Variants in DIXDC1 observed in about 807,000 individuals in gnomAD.
The protein encoded by DIXDC1 is DIX domain containing 1.
In DIXDC1, 64 loss-of-function variants were observed where a neutral mutation model predicts 103.1. The observed-to-expected ratio is 0.62, with a 90% CI of 0.51 to 0.76. DIXDC1 has a LOEUF of 0.76. Among genes scored for constraint, DIXDC1 ranks in the 30% least tolerant of loss-of-function variants. The probability of loss-of-function intolerance (pLI) is 0.00; values close to 1 mark genes in which losing one functional copy is unlikely to be tolerated. For missense variants in DIXDC1, 759 were observed against 834.2 expected, an observed-to-expected ratio of 0.91 and a Z score of 1.11; for synonymous variants, 266 against 298.5, an observed-to-expected ratio of 0.89 and a Z score of 1.12.
intron 5 of DIXDC1, chr11:111,975,248 G>T (rs1860060402): frequency 8.0e-7 from 1 of 1,256,354 alleles, no homozygotes; most frequent in Non-Finnish European, 1.0e-6. Flanking sequence ...TGGGGGCATG[G>T]CTGGAACCTG....
upstream of DIXDC1, chr11:111,937,129 G>GGGA: frequency 4.2e-6 from 3 of 708,176 alleles, no homozygotes; most frequent in East Asian, 1.4e-4. Context: ...CTGCGGCCCG[G>GGGA]GCGGGGGGGG....
At chr11:112,004,617 A>T (rs1555176400) in intron 17 of DIXDC1, among the ~76,000 whole-genome samples, 2 of 152,184 alleles carry the variant, frequency 1.3e-5, no homozygotes, top group Non-Finnish European at 1.5e-5. Flanking sequence ...GGGAGCAAGC[A>T]CTGTTCAATT....
At chr11:112,009,481 CA>C (rs1361059085) in intron 17 of DIXDC1, among the ~76,000 whole-genome samples, 1 of 152,160 alleles carries the variant, frequency 6.6e-6, no homozygotes, top group African/African-American at 2.4e-5. Context: ...ATCCTGATAC[CA>C]AAACCTGGCA....
At position 111,944,684 on chromosome 11, in the gene DIXDC1, C is replaced by G. The variant is rs868948416; in HGVS notation, c.60+7125C>G. 2.6e-5 allele frequency among the ~76,000 whole-genome samples: 4 copies of G among 152,226 alleles called. 1 individual carries two copies. Among genetic ancestry groups the G allele is most frequent in the Middle Eastern group, 6.8e-3 (2 of 294 alleles). ...GATGGAGATTATGGGATTGCTAAAGCCTCCTTCCACCGGCCACCTCGTGGT... is the reference window on the plus strand; with the variant it reads ...GATGGAGATTATGGGATTGCTAAAGGCTCCTTCCACCGGCCACCTCGTGGT... On this transcript the variant is annotated intron_variant, in intron 1 of 19. Transcript: ENST00000440460.
intron 1 of DIXDC1, among the ~76,000 whole-genome samples, chr11:111,962,553 T>C (rs1473434882): frequency 6.6e-6 from 1 of 151,472 alleles, no homozygotes; most frequent in African/African-American, 2.4e-5. Context: ...TGGGGAACTG[T>C]ACATAATTCA....
At chr11:111,981,751 TTAGA>T (rs1180163098) in intron 6 of DIXDC1, among the ~76,000 whole-genome samples, 4 of 152,174 alleles carry the variant, frequency 2.6e-5, no homozygotes, top group Admixed American at 6.5e-5. Context: ...GTACATACAA[TTAGA>T]TAGTATAAAA....
intron 17 of DIXDC1, among the ~76,000 whole-genome samples, chr11:112,002,259 T>TG (rs1219431175): frequency 7.1e-6 from 1 of 140,306 alleles, no homozygotes; most frequent in Non-Finnish European, 1.5e-5. Context: ...AGCAGGCATG[T>TG]GAAAAAAAAA....
chr11:111,957,068 G>A (rs1259352557), intron 1 of DIXDC1, among the ~76,000 whole-genome samples: 1 of 152,100 alleles, frequency 6.6e-6, no homozygotes, highest in Non-Finnish European at 1.5e-5. Flanking sequence ...AGCTACTAAG[G>A]AGGCTGAGGC....
At chr11:111,930,711 G>A (rs1555167575) in intron 2 of DIXDC1, among the ~76,000 whole-genome samples, 1 of 152,082 alleles carries the variant, frequency 6.6e-6, no homozygotes, top group African/African-American at 2.4e-5. Context: ...TTAGGACTAT[G>A]TCAGGCCAGG....
chr11:111,954,655 C>T (rs1966873880), intron 1 of DIXDC1, among the ~76,000 whole-genome samples: 1 of 152,094 alleles, frequency 6.6e-6, no homozygotes, highest in Non-Finnish European at 1.5e-5. Context: ...GAGGGACAAC[C>T]TTATACAAAT....
intron 1 of DIXDC1, among the ~76,000 whole-genome samples, chr11:111,941,040 A>G (rs1259701303): frequency 6.6e-6 from 1 of 152,144 alleles, no homozygotes; most frequent in African/African-American, 2.4e-5. Context: ...ACTGGAGCCT[A>G]GGAGTTAGAG....
rs1397890664 is a variant in DIXDC1 at position 112,017,668 on chromosome 11, G to A, written c.1863-109G>A. The A allele has an allele frequency of 1.3e-5, 11 of 823,522 alleles. No homozygotes were observed. In the East Asian group the frequency reaches 2.9e-4, roughly 22 times the overall value. The allele number at this position is 823,522 out of a possible 1,614,324, so 51.0% of individuals were successfully genotyped here. On this transcript the variant is annotated intron_variant, in intron 18 of 19. Transcript: ENST00000440460. This position sits in a 1 kb window ranked among gnomAD's most constrained non-coding sequence, Gnocchi z 4.0. ...TTATCGGGGCAGTGACCTAACAAGG[G>A]GCTATTTCTGCTTATTGACTTTGGC...
At chr11:111,973,467 G>T (rs919662505) in intron 3 of DIXDC1, among the ~76,000 whole-genome samples, 1 of 151,810 alleles carries the variant, frequency 6.6e-6, no homozygotes, top group Admixed American at 6.6e-5. Flanking sequence ...AAAAGTTATC[G>T]AGATATTTTG....
In DIXDC1 at chr11:111,977,413, C is replaced by A; in HGVS notation, c.656+2430C>A. The A allele has an allele frequency of 8.6e-7, 1 of 1,162,886 alleles. No individual in the cohort carries two copies. The highest frequency in any genetic ancestry group is 1.1e-6 in the Non-Finnish European group (1 of 941,434). 72.0% of individuals were successfully genotyped at this position (1,162,886 alleles called of 1,614,324 possible). A position where few individuals can be genotyped will look rare whatever the true frequency, so the allele number is the denominator to read the frequency against. The stretch of plus-strand genomic sequence containing the variant: ...GGGAGATGGGTTGAGATGCCCCCGC[C>A]AGGGGGGATGCCCGGCACCGTGCGT... On this transcript the variant is annotated intron_variant, in intron 5 of 19. Transcript: ENST00000440460. This position sits in a 1 kb window ranked among gnomAD's most constrained non-coding sequence, Gnocchi z 6.1.
chr11:111,968,781 T>C, intron 3 of DIXDC1, 143 bp downstream of exon 3: 1 of 1,118,226 alleles, frequency 8.9e-7, no homozygotes, highest in Non-Finnish European at 1.2e-6. Flanking sequence ...ATTTCATGAT[T>C]ATTATTTTTT....
chr11:111,951,046 A>G (rs1257811457), intron 1 of DIXDC1, among the ~76,000 whole-genome samples: 1 of 152,252 alleles, frequency 6.6e-6, no homozygotes, highest in Non-Finnish European at 1.5e-5. Context: ...TAAGAAAAAA[A>G]AGGGAGAAAT....
At chr11:112,011,683 C>G (rs1861424825) in intron 17 of DIXDC1, among the ~76,000 whole-genome samples, 1 of 152,116 alleles carries the variant, frequency 6.6e-6, no homozygotes, top group African/African-American at 2.4e-5. Context: ...GTTCATCATT[C>G]TCAGCAAACT....
At chr11:111,941,765 C>T (rs1183026807) in intron 1 of DIXDC1, among the ~76,000 whole-genome samples, 1 of 151,652 alleles carries the variant, frequency 6.6e-6, no homozygotes, top group Non-Finnish European at 1.5e-5. Context: ...CTGCAATGAG[C>T]CATGTTCCTG....
rs868950176 is a variant in DIXDC1 at position 112,000,558 on chromosome 11, G to A, written c.1756+4412G>A. On this transcript the variant is annotated intron_variant, in intron 17 of 19. Transcript: ENST00000440460. ...CTAGAAATACAAAAATTAGCTGGGC[G>A]TGGTGGTACGCACCTGTAGTCCCAG... Among the ~76,000 whole-genome samples the A allele has an allele frequency of 2.0e-4, 31 of 151,960 alleles. 1 individual carries two copies. Among genetic ancestry groups the A allele is most frequent in the African/African-American group, 6.5e-4 (27 of 41,364 alleles).
Sources: allele counts gnomAD v4.1 joint callset (sites outside exome capture counted in the v4.1 genomes callset), GRCh38; gene constraint gnomAD v4.1.1; non-coding constraint Gnocchi (gnomAD v3.1); transcripts MANE v1.5; gene names NCBI Gene and HGNC (gene_info 2026-07-23, HGNC 2026-07-21).